Variants in ARHGAP35 observed in about 807,000 individuals in gnomAD.
ARHGAP35 encodes rho GTPase-activating protein 35.
Under a neutral mutation model 111.1 loss-of-function variants are expected in ARHGAP35, and 15 were observed. The observed-to-expected ratio is 0.13, with a 90% CI of 0.09 to 0.21. The LOEUF is 0.21. Among genes scored for constraint, ARHGAP35 ranks in the 10% least tolerant of loss-of-function variants. The probability of loss-of-function intolerance (pLI) is 1.00; values close to 1 mark genes in which losing one functional copy is unlikely to be tolerated. For missense variants in ARHGAP35, 1,262 were observed against 1,873.0 expected, an observed-to-expected ratio of 0.67 and a Z score of 6.02; for synonymous variants, 643 against 710.3, an observed-to-expected ratio of 0.91 and a Z score of 1.51.
intron 3 of ARHGAP35, chr19:46,948,213 G>T (rs2056391213): frequency 6.6e-6 from 1 of 152,236 alleles, no homozygotes; most frequent in Admixed American, 6.5e-5. Context: ...TGCCCTTGGG[G>T]CCTAACACAC....
At chr19:46,888,484 G>T (rs1338245916) in intron 1 of ARHGAP35, among the ~76,000 whole-genome samples, 3 of 149,670 alleles carry the variant, frequency 2.0e-5, no homozygotes, top group Non-Finnish European at 1.5e-5. Context: ...ATATGCTGTA[G>T]ATGGCCAAAT....
In ARHGAP35 at chr19:46,999,218, C is replaced by T; in HGVS notation, c.4037-86C>T. 1 of 866,204 alleles carries T rather than the reference C, an allele frequency of 1.2e-6. No homozygotes were observed. Among genetic ancestry groups the T allele is most frequent in the Non-Finnish European group, 1.9e-6 (1 of 537,498 alleles). The allele number at this position is 866,204 out of a possible 1,614,324, so 53.7% of individuals were successfully genotyped here. ...TCATCCAAAAGCCCTGGGCTGTCCT[C>T]AGAGAAGGCCCATCACAGAGCACGC... On this transcript the variant is annotated intron_variant, in intron 5 of 6. Transcript: ENST00000672722. The surrounding 1 kb of genome is among the most constrained non-coding windows in gnomAD (Gnocchi z 5.4).
At chr19:46,950,514 G>A (rs1286067765) in intron 3 of ARHGAP35, among the ~76,000 whole-genome samples, 2 of 152,234 alleles carry the variant, frequency 1.3e-5, no homozygotes, top group African/African-American at 4.8e-5. Flanking sequence ...CTCCAAGCAC[G>A]TATCAGTCCC....
intron 1 of ARHGAP35, among the ~76,000 whole-genome samples, chr19:46,885,740 C>CCCT (rs1454014319): frequency 5.9e-5 from 9 of 151,976 alleles, no homozygotes; most frequent in Admixed American, 5.9e-4. Flanking sequence ...TTCCATTTTC[C>CCCT]CCTCCACCTT....
In ARHGAP35 at chr19:46,994,370, C is replaced by G. The variant is rs780084009; in HGVS notation, c.4036+4695C>G. 6.6e-6 allele frequency among the ~76,000 whole-genome samples: 1 copy of G among 152,210 alleles called. No homozygotes were observed. The highest frequency in any genetic ancestry group is 6.5e-5 in the Admixed American group (1 of 15,288). ...CCGCTGCCCTGTGACCAGGTCCACA[C>G]AGACTGTGGCCCCAGCCTTCGGCAG... On this transcript the variant is annotated intron_variant, in intron 5 of 6. Coordinates refer to ENST00000672722, the MANE Select transcript of ARHGAP35 (RefSeq NM_004491.5). This position sits in a 1 kb window ranked among gnomAD's most constrained non-coding sequence, Gnocchi z 5.4.
intron 2 of ARHGAP35, among the ~76,000 whole-genome samples, chr19:46,928,953 A>T (rs1352073569): frequency 9.2e-5 from 14 of 151,508 alleles, no homozygotes; most frequent in Admixed American, 8.5e-4. Context: ...TATGGTCTGG[A>T]TTTAGTTAGG....
intron 2 of ARHGAP35, among the ~76,000 whole-genome samples, chr19:46,927,988 T>C (rs1458033195): frequency 6.6e-6 from 1 of 152,182 alleles, no homozygotes; most frequent in Non-Finnish European, 1.5e-5. Context: ...AATCCATTTC[T>C]CCTCACTGCC....
At chr19:46,933,433 C>T (rs946970033) in intron 2 of ARHGAP35, among the ~76,000 whole-genome samples, 3 of 152,068 alleles carry the variant, frequency 2.0e-5, no homozygotes, top group Admixed American at 1.3e-4. Context: ...CAGGCATGAG[C>T]CACCAAGCCC....
chr19:46,932,092 G>T (rs1311493827), intron 2 of ARHGAP35, among the ~76,000 whole-genome samples: 1 of 152,178 alleles, frequency 6.6e-6, no homozygotes, highest in Non-Finnish European at 1.5e-5. Context: ...GAACAGCCTG[G>T]CCAACATGGT....
intron 1 of ARHGAP35, among the ~76,000 whole-genome samples, chr19:46,883,031 G>A (rs935380802): frequency 2.0e-5 from 3 of 152,122 alleles, no homozygotes; most frequent in Non-Finnish European, 2.9e-5. Context: ...GATTGAAAGC[G>A]AGGGACATGT....
At chr19:46,977,045 C>G (rs1257191054) in intron 3 of ARHGAP35, among the ~76,000 whole-genome samples, 5 of 152,212 alleles carry the variant, frequency 3.3e-5, no homozygotes, top group Admixed American at 2.0e-4. Flanking sequence ...GTTACACTCA[C>G]TGTAAAAACA....
intron 1 of ARHGAP35, among the ~76,000 whole-genome samples, chr19:46,910,115 G>T (rs2056130203): frequency 2.6e-5 from 4 of 151,928 alleles, no homozygotes; most frequent in African/African-American, 4.8e-5. Flanking sequence ...CGGGGTAAAA[G>T]ATTATTATTA....
chr19:46,942,822 A>T (rs1363549104), intron 3 of ARHGAP35, among the ~76,000 whole-genome samples: 1 of 149,900 alleles, frequency 6.7e-6, no homozygotes, highest in Non-Finnish European at 1.5e-5. Context: ...TCTCAGAAAA[A>T]AAAAAAAAAA....
At chr19:46,958,300 C>T (rs1224760203) in intron 3 of ARHGAP35, among the ~76,000 whole-genome samples, 1 of 151,286 alleles carries the variant, frequency 6.6e-6, no homozygotes. Context: ...AGGAGAATGG[C>T]GTCAACCCAG....
rs2056695534 is a variant in ARHGAP35 at position 46,994,368 on chromosome 19, C to CA, written c.4036+4694dup. 6.6e-6 allele frequency among the ~76,000 whole-genome samples: 1 copy of CA among 152,216 alleles called. No individual in the cohort carries two copies. The highest frequency in any genetic ancestry group is 2.4e-5 in the African/African-American group (1 of 41,466). Reference sequence around the variant, plus strand: ...TGCCGCTGCCCTGTGACCAGGTCCACACAGACTGTGGCCCCAGCCTTCGGC... The same window carrying CA: ...TGCCGCTGCCCTGTGACCAGGTCCACAACAGACTGTGGCCCCAGCCTTCGGC... On this transcript the variant is annotated intron_variant, in intron 5 of 6. Transcript: ENST00000672722. This position sits in a 1 kb window ranked among gnomAD's most constrained non-coding sequence, Gnocchi z 5.4.
At chr19:46,980,112 C>T (rs1161285788) in intron 3 of ARHGAP35, among the ~76,000 whole-genome samples, 7 of 152,090 alleles carry the variant, frequency 4.6e-5, no homozygotes, top group South Asian at 2.1e-4. Context: ...GGGCCGGGCG[C>T]GGTGTCTCAT....
chr19:46,947,667 C>A (rs540435527), intron 3 of ARHGAP35: 8 of 152,138 alleles, frequency 5.3e-5, no homozygotes, highest in Non-Finnish European at 1.2e-4. Context: ...GGTTCAATTC[C>A]AAAACCGTCT....
chr19:46,976,962 T>A (rs550787863), intron 3 of ARHGAP35, among the ~76,000 whole-genome samples: 1 of 152,362 alleles, frequency 6.6e-6, no homozygotes, highest in East Asian at 1.9e-4. Context: ...TCAGTTTCCT[T>A]GACCTCTGCT....
intron 3 of ARHGAP35, among the ~76,000 whole-genome samples, chr19:46,982,094 C>T (rs967966849): frequency 2.0e-5 from 3 of 152,072 alleles, no homozygotes; most frequent in South Asian, 2.1e-4. Flanking sequence ...GCAATCCTCC[C>T]GCCTTGGCCT....
Sources: gnomAD v4.1 joint callset for allele counts (sites outside exome capture counted in the v4.1 genomes callset) on GRCh38, gnomAD v4.1.1 for gene constraint, Gnocchi (gnomAD v3.1) non-coding constraint, MANE v1.5 for transcripts, NCBI Gene and HGNC (gene_info 2026-07-23, HGNC 2026-07-21) for gene names.